ICA1: variants seen among roughly 807,000 people sequenced by gnomAD.
The protein encoded by ICA1 is islet cell autoantigen 1, also known as 69 kDa islet cell autoantigen.
A neutral mutation model predicts 71.0 loss-of-function variants in ICA1; 40 were observed. That is an observed-to-expected ratio of 0.56 (90% CI 0.44 to 0.73). ICA1 has a LOEUF of 0.73. Ranked by LOEUF, ICA1 falls within the 30% of genes least tolerant of loss-of-function variation. The pLI is 0.00. For missense variants in ICA1, 578 were observed against 576.5 expected (o/e 1.00, Z -0.03); for synonymous variants, 207 against 209.5 (o/e 0.99, Z 0.10).
At chr7:8,187,696 A>T (rs1203940979) in intron 6 of ICA1, among the ~76,000 whole-genome samples, 1 of 152,242 alleles carries the variant, frequency 6.6e-6, no homozygotes, top group African/African-American at 2.4e-5. Flanking sequence ...AACACATTGT[A>T]CAACTGTACA....
intron 6 of ICA1, among the ~76,000 whole-genome samples, chr7:8,161,228 GC>G (rs1427466319): frequency 6.6e-6 from 1 of 152,192 alleles, no homozygotes; most frequent in East Asian, 1.9e-4. Flanking sequence ...ATAAATGAAT[GC>G]ACATAGCATA....
At chr7:8,154,247 G>A (rs1448100549) in intron 8 of ICA1, among the ~76,000 whole-genome samples, 1 of 152,136 alleles carries the variant, frequency 6.6e-6, no homozygotes, top group Non-Finnish European at 1.5e-5. Context: ...AAATAACTTT[G>A]TAAAAGAATT....
intron 1 of ICA1, among the ~76,000 whole-genome samples, chr7:8,242,298 T>C (rs970173662): frequency 5.9e-5 from 9 of 152,238 alleles, no homozygotes; most frequent in Admixed American, 5.2e-4. Context: ...AACTGAACTA[T>C]CTGCTCCTGA....
chr7:8,228,816 A>G (rs1259086873), intron 3 of ICA1, 143 bp from the exon 4 acceptor site: 1 of 460,750 alleles, frequency 2.2e-6, no homozygotes, highest in African/African-American at 2.0e-5. Context: ...GCGGTGTACT[A>G]TACAGAAACT....
At chr7:8,172,827 C>G (rs1422437960) in intron 6 of ICA1, among the ~76,000 whole-genome samples, 3 of 152,288 alleles carry the variant, frequency 2.0e-5, no homozygotes, top group Admixed American at 2.0e-4. Flanking sequence ...TCAAATGTCA[C>G]TGGCAGTATT....
At chr7:8,224,739 C>T (rs1029824717) in intron 4 of ICA1, among the ~76,000 whole-genome samples, 2 of 152,160 alleles carry the variant, frequency 1.3e-5, no homozygotes, top group Admixed American at 6.5e-5. Flanking sequence ...TCACCTGGCA[C>T]CAAAACATTG....
At chr7:8,207,071 A>G (rs533979369) in intron 6 of ICA1, among the ~76,000 whole-genome samples, 3 of 152,226 alleles carry the variant, frequency 2.0e-5, no homozygotes, top group Admixed American at 6.5e-5. Context: ...TAATTAATCT[A>G]TCTTGAGAAA....
At chr7:8,172,831 CAGTATT>C (rs554010838) in intron 6 of ICA1, among the ~76,000 whole-genome samples, 2 of 152,124 alleles carry the variant, frequency 1.3e-5, no homozygotes, top group Non-Finnish European at 2.9e-5. Context: ...ATGTCACTGG[CAGTATT>C]ACTGTGCTTG....
chr7:8,175,026 G>T (rs909319227), intron 6 of ICA1, among the ~76,000 whole-genome samples: 1 of 152,132 alleles, frequency 6.6e-6, no homozygotes, highest in Non-Finnish European at 1.5e-5. Context: ...TCCACCATCT[G>T]GAGGGCAAAA....
chr7:8,232,852 C>A lies in ICA1; in HGVS notation c.18-97G>T. The A allele has an allele frequency of 2.9e-6, 3 of 1,019,484 alleles. No individual in the cohort carries two copies. In the Admixed American group the frequency reaches 8.6e-5, roughly 29 times the overall value. The allele number at this position is 1,019,484 out of a possible 1,614,324, so 63.2% of individuals were successfully genotyped here. On this transcript the variant is annotated intron_variant, in intron 2 of 13. Transcript: ENST00000402384. ...TCTTTAAACATGACTTTCCATTATGCATTTACATTTACAACATTGATAAAC... is the reference window on the plus strand; with the variant it reads ...TCTTTAAACATGACTTTCCATTATGAATTTACATTTACAACATTGATAAAC...
chr7:8,186,997 C>G (rs922022672), intron 6 of ICA1, among the ~76,000 whole-genome samples: 1 of 152,130 alleles, frequency 6.6e-6, no homozygotes, highest in Non-Finnish European at 1.5e-5. Flanking sequence ...TAATATGGAC[C>G]ACACTCAGTT....
rs915039654 is a variant in ICA1, at chr7:8,222,121, A to C, written c.257-723T>G. 1.3e-5 allele frequency among the ~76,000 whole-genome samples: 2 copies of C among 152,192 alleles called. No homozygotes were observed. The highest frequency in any genetic ancestry group is 4.8e-5 in the African/African-American group (2 of 41,456). The stretch of plus-strand genomic sequence containing the variant: ...AATTACATGTATCTTTGGACTCTCC[A>C]TGTCTACTGTTAGGAGAACTTCCTA... On this transcript the variant is annotated intron_variant, in intron 4 of 13. Transcript: ENST00000402384. The surrounding 1 kb of genome is among the most constrained non-coding windows in gnomAD (Gnocchi z 4.8).
chr7:8,151,086 C>A (rs1011013425), intron 8 of ICA1, among the ~76,000 whole-genome samples: 5 of 152,348 alleles, frequency 3.3e-5, no homozygotes, highest in Admixed American at 6.5e-5. Context: ...CTGAACCTAG[C>A]AGTACTATTA....
chr7:8,200,655 G>C (rs1789317065), intron 6 of ICA1, among the ~76,000 whole-genome samples: 1 of 152,136 alleles, frequency 6.6e-6, no homozygotes, highest in Admixed American at 6.5e-5. Flanking sequence ...CTTGAATATA[G>C]GAAACTGGAT....
At chr7:8,212,086 T>A (rs1793982164) in intron 6 of ICA1, among the ~76,000 whole-genome samples, 1 of 152,192 alleles carries the variant, frequency 6.6e-6, no homozygotes, top group South Asian at 2.1e-4. Flanking sequence ...CACCCAATAA[T>A]TATGCATGAA....
At chr7:8,207,718 A>G (rs1480564458) in intron 6 of ICA1, among the ~76,000 whole-genome samples, 1 of 152,252 alleles carries the variant, frequency 6.6e-6, no homozygotes, top group African/African-American at 2.4e-5. Context: ...GTAACATGCC[A>G]GCCTCCATTT....
intron 6 of ICA1, among the ~76,000 whole-genome samples, chr7:8,174,232 A>G (rs1371527592): frequency 1.3e-5 from 2 of 152,158 alleles, no homozygotes; most frequent in East Asian, 1.9e-4. Flanking sequence ...TCTGTTTTAC[A>G]TGTTTTGTAA....
At position 8,138,892 on chromosome 7, in the gene ICA1, G is replaced by C. The variant is rs753652380; in HGVS notation, c.1019-11C>G. The C allele has an allele frequency of 6.2e-7, 1 of 1,605,450 alleles. No homozygotes were observed. Among genetic ancestry groups the C allele is most frequent in the Non-Finnish European group, 8.5e-7 (1 of 1,172,570 alleles). ...GTTCATCTATGGGTCCTTTAGAGAA[G>C]AGGAAAGAAAACAAAATTATAAGTC... is the stretch of plus-strand genomic sequence containing the variant. On this transcript the variant is annotated splice_polypyrimidine_tract_variant and intron_variant, in intron 11 of 13. Coordinates refer to ENST00000402384, the MANE Select transcript of ICA1 (RefSeq NM_001136020.3).
chr7:8,157,010 T>C (rs1801845822), intron 8 of ICA1, 106 bp downstream of exon 8: 1 of 1,601,884 alleles, frequency 6.2e-7, no homozygotes, highest in Non-Finnish European at 8.5e-7. Context: ...CTCTTCAGCA[T>C]TCTGAGTCCT....
Sources: allele counts gnomAD v4.1 joint callset (sites outside exome capture counted in the v4.1 genomes callset), GRCh38; gene constraint gnomAD v4.1.1; non-coding constraint Gnocchi (gnomAD v3.1); transcripts MANE v1.5; gene names NCBI Gene and HGNC (gene_info 2026-07-23, HGNC 2026-07-21).